Variants in OSBPL3 observed in about 807,000 individuals in gnomAD.
OSBPL3 encodes the protein oxysterol binding protein like 3, also known as oxysterol-binding protein-related protein 3.
A neutral mutation model predicts 120.1 loss-of-function variants in OSBPL3; 65 were observed. The ratio of observed to expected loss-of-function variants is 0.54; its 90% CI spans 0.44 to 0.67. The LOEUF (loss-of-function observed/expected upper bound fraction) is 0.67. Among genes scored for constraint, OSBPL3 ranks in the 30% least tolerant of loss-of-function variants. OSBPL3 has a pLI of 0.00. For missense variants in OSBPL3, 1,004 were observed against 1,082.1 expected, an observed-to-expected ratio of 0.93 and a Z score of 1.01; for synonymous variants, 416 against 402.6, an observed-to-expected ratio of 1.03 and a Z score of -0.40.
chr7:24,949,721 G>A lies in OSBPL3; in HGVS notation c.-150+30165C>T, dbSNP rs767633925. Among the ~76,000 whole-genome samples, 23 of 152,106 alleles carry A rather than the reference G, an allele frequency of 1.5e-4. 1 individual carries two copies. The highest frequency in any genetic ancestry group is 4.3e-4 in the African/African-American group (18 of 41,418). ...GAAGGCAAGAGTGACCCAGAAAGGC[G>A]GAAGTACAAATGGCCCAGTGCACAA... On this transcript the variant is annotated intron_variant, in intron 1 of 22. Transcript: ENST00000313367.
chr7:24,962,893 T>C (rs1469143531), intron 1 of OSBPL3, among the ~76,000 whole-genome samples: 1 of 152,212 alleles, frequency 6.6e-6, no homozygotes, highest in Non-Finnish European at 1.5e-5. Context: ...TGAATTCTTT[T>C]AAAACCCTTT....
chr7:24,974,219 A>G (rs1358963849), intron 1 of OSBPL3, among the ~76,000 whole-genome samples: 1 of 152,198 alleles, frequency 6.6e-6, no homozygotes, highest in Non-Finnish European at 1.5e-5. Context: ...AGTTTCAACG[A>G]TCGTCAGCTC....
intron 1 of OSBPL3, among the ~76,000 whole-genome samples, chr7:24,928,438 A>G (rs563861238): frequency 4.0e-4 from 61 of 152,054 alleles, no homozygotes; most frequent in Middle Eastern, 3.4e-3. Flanking sequence ...TGATCTGCCC[A>G]CCTTGGCCTC....
In OSBPL3 at chr7:24,831,886, G is replaced by A. The variant is rs528433924; in HGVS notation, c.1747-981C>T. ...ACCTCATGCTATAGAATTCTCTAGA[G>A]CAGCTGGATGGCTTATAAAAATCAG... is the stretch of plus-strand genomic sequence containing the variant. On this transcript the variant is annotated intron_variant, in intron 15 of 22. Transcript: ENST00000313367. This position sits in a 1 kb window ranked among gnomAD's most constrained non-coding sequence, Gnocchi z 4.0. 1.3e-5 allele frequency among the ~76,000 whole-genome samples: 2 copies of A among 152,308 alleles called. No homozygotes were observed. The highest frequency in any genetic ancestry group is 4.8e-5 in the African/African-American group (2 of 41,576).
At position 24,830,996 on chromosome 7, in the gene OSBPL3, T is replaced by C; in HGVS notation, c.1747-91A>G. The stretch of plus-strand genomic sequence containing the variant: ...CTAAACAAAATAAAACCTCTATGAT[T>C]TTCTTTCAGAAAGCCAAAGATTTGT... On this transcript the variant is annotated intron_variant, in intron 15 of 22. Transcript: ENST00000313367. The surrounding 1 kb of genome is among the most constrained non-coding windows in gnomAD (Gnocchi z 4.4). 7.8e-7 allele frequency: 1 copy of C among 1,289,036 alleles called. No homozygotes were observed. The highest frequency in any genetic ancestry group is 1.0e-6 in the Non-Finnish European group (1 of 969,804). 79.8% of individuals were successfully genotyped at this position (1,289,036 alleles called of 1,614,324 possible).
rs767167805 is a variant in OSBPL3, at chr7:24,803,101, A to G, written c.2567+1214T>C. Among the ~76,000 whole-genome samples, 1 of 152,200 alleles carries G rather than the reference A, an allele frequency of 6.6e-6. No individual in the cohort carries two copies. Among genetic ancestry groups the G allele is most frequent in the Non-Finnish European group, 1.5e-5 (1 of 68,042 alleles). On this transcript the variant is annotated intron_variant, in intron 22 of 22. Transcript: ENST00000313367. This position sits in a 1 kb window ranked among gnomAD's most constrained non-coding sequence, Gnocchi z 4.2. Reference sequence around the variant, plus strand: ...TGTCACTATTTTGATGTTTTGGAATACAGATTTTATTACTGCTGCTGTTAT... The same window carrying G: ...TGTCACTATTTTGATGTTTTGGAATGCAGATTTTATTACTGCTGCTGTTAT...
intron 1 of OSBPL3, among the ~76,000 whole-genome samples, chr7:24,929,227 A>C (rs567681544): frequency 3.2e-4 from 48 of 152,290 alleles, no homozygotes; most frequent in African/African-American, 1.1e-3. Flanking sequence ...AGAAGGTCTG[A>C]AATCTGTTTC....
chr7:24,846,225 ACCGTT>A (rs1216228192), intron 12 of OSBPL3, among the ~76,000 whole-genome samples: 3 of 152,252 alleles, frequency 2.0e-5, no homozygotes, highest in South Asian at 2.1e-4. Flanking sequence ...GGCTTGGCAT[ACCGTT>A]CTTCATTATA....
In OSBPL3 at chr7:24,854,489, TACACACACACACGCACACAC is replaced by T. The variant is rs892090348; in HGVS notation, c.1028-1875_1028-1856del. ...ATCTTAACAAAGTCACAACAATTTG[TACACACACACACGCACACAC>T]ACACACACACACACACACACACACA... is the stretch of plus-strand genomic sequence containing the variant. On this transcript the variant is annotated intron_variant, in intron 10 of 22. Coordinates refer to ENST00000313367, the MANE Select transcript of OSBPL3 (RefSeq NM_015550.4). This position sits in a 1 kb window ranked among gnomAD's most constrained non-coding sequence, Gnocchi z 4.1. Among the ~76,000 whole-genome samples, 5 of 127,388 alleles carry T rather than the reference TACACACACACACGCACACAC, an allele frequency of 3.9e-5. No homozygotes were observed. The highest frequency in any genetic ancestry group is 1.7e-4 in the Admixed American group (2 of 11,814). The allele number at this position is 127,388 out of a possible 152,430, so 83.6% of individuals were successfully genotyped here.
rs1393955063 is a variant in OSBPL3 at position 24,813,593 on chromosome 7, T to A, written c.2172+1466A>T. The stretch of plus-strand genomic sequence containing the variant: ...ACATGTAAGGTCATTATGGGCTTTA[T>A]GTCTGTCTATAATCCAGTTTGAGGC... On this transcript the variant is annotated intron_variant, in intron 19 of 22. Coordinates refer to ENST00000313367, the MANE Select transcript of OSBPL3 (RefSeq NM_015550.4). This position sits in a 1 kb window ranked among gnomAD's most constrained non-coding sequence, Gnocchi z 4.5. 1.3e-5 allele frequency among the ~76,000 whole-genome samples: 2 copies of A among 152,208 alleles called. No homozygotes were observed. The highest frequency in any genetic ancestry group is 6.5e-5 in the Admixed American group (1 of 15,274).
chr7:24,832,717 C>T (rs150009998), intron 15 of OSBPL3, among the ~76,000 whole-genome samples: 106 of 152,114 alleles, frequency 7.0e-4, no homozygotes, highest in African/African-American at 2.4e-3. Flanking sequence ...AGAACACAAC[C>T]GATGAAAGAA....
At chr7:24,977,161 T>C (rs187520187) in intron 1 of OSBPL3, among the ~76,000 whole-genome samples, 87 of 152,330 alleles carry the variant, frequency 5.7e-4, no homozygotes, top group Non-Finnish European at 1.1e-3. Flanking sequence ...TTTACCACAA[T>C]GGGTAAAACA....
chr7:24,814,619 A>G lies in OSBPL3; in HGVS notation c.2172+440T>C, dbSNP rs573649943. Among the ~76,000 whole-genome samples the G allele has an allele frequency of 2.0e-5, 3 of 152,292 alleles. No individual in the cohort carries two copies. The East Asian group carries it at 5.8e-4, about 29-fold the overall frequency. ...TTTCATCTTCCCAAACTGAAGTTCT[A>G]TACCCATTCAACACTAATTCCCCCT... On this transcript the variant is annotated intron_variant, in intron 19 of 22. Transcript: ENST00000313367.
intron 22 of OSBPL3, among the ~76,000 whole-genome samples, chr7:24,801,278 C>T (rs1163380775): frequency 2.0e-5 from 3 of 150,460 alleles, no homozygotes; most frequent in South Asian, 2.1e-4. Flanking sequence ...AATTGAAAGC[C>T]ATAAGAGTCT....
rs933711197 is a variant in OSBPL3, at chr7:24,831,018, T to G, written c.1747-113A>C. Reference sequence around the variant, plus strand: ...GATTTTCTTTCAGAAAGCCAAAGATTTGTCTTTGGTTGTTTTTAAACAACA... The same window carrying G: ...GATTTTCTTTCAGAAAGCCAAAGATGTGTCTTTGGTTGTTTTTAAACAACA... On this transcript the variant is annotated intron_variant, in intron 15 of 22. Transcript: ENST00000313367. This position sits in a 1 kb window ranked among gnomAD's most constrained non-coding sequence, Gnocchi z 4.0. 9.5e-6 allele frequency: 10 copies of G among 1,052,284 alleles called. No individual in the cohort carries two copies. In the South Asian group the frequency reaches 1.8e-4, roughly 19 times the overall value. The allele number at this position is 1,052,284 out of a possible 1,614,324, so 65.2% of individuals were successfully genotyped here.
At chr7:24,829,873 T>G (rs1280271802) in intron 16 of OSBPL3, among the ~76,000 whole-genome samples, 1 of 152,240 alleles carries the variant, frequency 6.6e-6, no homozygotes, top group Non-Finnish European at 1.5e-5. Flanking sequence ...TTATAAACTC[T>G]GCTGGCATGC....
In OSBPL3 at chr7:24,952,758, T is replaced by C. The variant is rs1584720517; in HGVS notation, c.-150+27128A>G. On this transcript the variant is annotated intron_variant, in intron 1 of 22. Transcript: ENST00000313367. The surrounding 1 kb of genome is among the most constrained non-coding windows in gnomAD (Gnocchi z 4.4). Reference sequence around the variant, plus strand: ...ACCAATATGCAAACCATCAGCTGAATCTATAAACAAGAGTACCATCAAGGT... The same window carrying C: ...ACCAATATGCAAACCATCAGCTGAACCTATAAACAAGAGTACCATCAAGGT... 1.3e-5 allele frequency among the ~76,000 whole-genome samples: 2 copies of C among 152,284 alleles called. No individual in the cohort carries two copies. Among genetic ancestry groups the C allele is most frequent in the African/African-American group, 4.8e-5 (2 of 41,558 alleles).
Position 24,894,824 on chromosome 7 carries a change from G to C in OSBPL3, c.-149-2203C>G, listed in dbSNP as rs1805894123. ...ACAGAAACACCACAACCCTGTCCTA[G>C]AGGCAGCTGATACAGGGTCATCTTT... On this transcript the variant is annotated intron_variant, in intron 1 of 22. Coordinates refer to ENST00000313367, the MANE Select transcript of OSBPL3 (RefSeq NM_015550.4). This position sits in a 1 kb window ranked among gnomAD's most constrained non-coding sequence, Gnocchi z 4.1. Among the ~76,000 whole-genome samples the C allele has an allele frequency of 6.6e-6, 1 of 152,240 alleles. No individual in the cohort carries two copies. Among genetic ancestry groups the C allele is most frequent in the African/African-American group, 2.4e-5 (1 of 41,456 alleles).
chr7:24,909,768 G>GC (rs1554402686), intron 1 of OSBPL3, among the ~76,000 whole-genome samples: 3 of 110,610 alleles, frequency 2.7e-5, no homozygotes, highest in Non-Finnish European at 3.7e-5. Flanking sequence ...GAAAGCTACT[G>GC]TTTTTTTTTT....
Sources: allele counts gnomAD v4.1 joint callset (sites outside exome capture counted in the v4.1 genomes callset), GRCh38; gene constraint gnomAD v4.1.1; non-coding constraint Gnocchi (gnomAD v3.1); transcripts MANE v1.5; gene names NCBI Gene and HGNC (gene_info 2026-07-23, HGNC 2026-07-21).